The following HM13 variants were observed in gnomAD, a reference collection of about 807,000 sequenced individuals.
The protein encoded by HM13 is signal peptide peptidase.
Under a neutral mutation model 50.0 loss-of-function variants are expected in HM13, and 18 were observed. That is an observed-to-expected ratio of 0.36 (90% CI 0.25 to 0.53). The LOEUF (loss-of-function observed/expected upper bound fraction) is 0.53. Ranked by LOEUF, HM13 falls within the 20% of genes least tolerant of loss-of-function variation. HM13 has a pLI of 0.90. For missense variants in HM13, 393 were observed against 552.4 expected, an observed-to-expected ratio of 0.71 and a Z score of 2.89; for synonymous variants, 197 against 232.6, an observed-to-expected ratio of 0.85 and a Z score of 1.39.
chr20:31,553,615 C>T (rs571736052), intron 7 of HM13, among the ~76,000 whole-genome samples: 1 of 152,132 alleles, frequency 6.6e-6, no homozygotes, highest in Admixed American at 6.6e-5. Flanking sequence ...CACAAGTCAG[C>T]CTCTAAGGCC....
intron 3 of HM13, 72 bp downstream of exon 3, chr20:31,538,333 A>G (rs1568787536): frequency 3.1e-6 from 5 of 1,613,452 alleles, no homozygotes; most frequent in Non-Finnish European, 4.2e-6. Flanking sequence ...GGATGAGAAC[A>G]TGACTTTTGG....
chr20:31,553,951 C>T (rs907463662), intron 7 of HM13, among the ~76,000 whole-genome samples: 1 of 152,078 alleles, frequency 6.6e-6, no homozygotes, highest in African/African-American at 2.4e-5. Flanking sequence ...CTTTTATATA[C>T]TGGGCTTTAG....
At position 31,558,549 on chromosome 20, in the gene HM13, TCTCC is replaced by T. The variant is rs1303559573; in HGVS notation, c.809-1061_809-1058del. ...TCCAGGACCTTTGCACATGCTGTTC[TCTCC>T]TCCTGGCGTGTGGCATTTCCAAGAA... On this transcript the variant is annotated intron_variant, in intron 8 of 12. Coordinates refer to ENST00000398174, the MANE Select transcript of HM13 (RefSeq NM_178581.3). Among the ~76,000 whole-genome samples the T allele has an allele frequency of 8.0e-4, 121 of 151,810 alleles. 1 individual carries two copies. The highest frequency in any genetic ancestry group is 2.9e-3 in the African/African-American group (119 of 41,218).
intron 2 of HM13, among the ~76,000 whole-genome samples, chr20:31,529,603 A>T (rs1600626800): frequency 6.6e-6 from 1 of 152,086 alleles, no homozygotes; most frequent in Admixed American, 6.6e-5. Context: ...AAATTCCTCA[A>T]GGATGTCTTT....
chr20:31,544,728 C>G (rs1372059996), intron 3 of HM13, among the ~76,000 whole-genome samples: 1 of 152,180 alleles, frequency 6.6e-6, no homozygotes, highest in Non-Finnish European at 1.5e-5. Context: ...GTGCAAAAAC[C>G]TAGGTTTGAG....
At position 31,527,541 on chromosome 20, in the gene HM13, A is replaced by T. The variant is rs1312672834; in HGVS notation, c.241A>T (p.Ile81Phe). Residue 81 changes from isoleucine to phenylalanine, a missense_variant, in exon 2 of 13, where the codon ATC (isoleucine) becomes TTC (phenylalanine). Ile to Phe is a conservative substitution (Grantham distance 21, BLOSUM62 0). Around this residue, in one of 3 missense-constraint regions of HM13, gnomAD observed 214 missense variants for 276.1 expected, o/e 0.77. Coordinates refer to ENST00000398174, the MANE Select transcript of HM13 (RefSeq NM_178581.3). The part of the protein sequence containing the change: ...TSRDAARFPI[I>F]ASCTLLGLYL... ...CCGGGATGCCGCCCGCTTCCCCATC[A>T]TCGCCAGCTGCACACTCTTGGGGCT... is the stretch of plus-strand genomic sequence containing the variant. 6.2e-7 allele frequency: 1 copy of T among 1,614,174 alleles called. No homozygotes were observed. Among genetic ancestry groups the T allele is most frequent in the Non-Finnish European group, 8.5e-7 (1 of 1,180,008 alleles).
chr20:31,520,451 G>T (rs532234317), intron 1 of HM13, among the ~76,000 whole-genome samples: 1 of 151,934 alleles, frequency 6.6e-6, no homozygotes, highest in African/African-American at 2.4e-5. Context: ...TTACAGGCGC[G>T]TGCCACTACG....
Position 31,532,338 on chromosome 20 carries a change from T to A in HM13, c.282+4756T>A, listed in dbSNP as rs201298900. 1.3e-3 allele frequency among the ~76,000 whole-genome samples: 194 copies of A among 152,242 alleles called. 6 individuals are homozygous for A. The East Asian group carries it at 0.034, about 27-fold the overall frequency. On this transcript the variant is annotated intron_variant, in intron 2 of 12. Coordinates refer to ENST00000398174, the MANE Select transcript of HM13 (RefSeq NM_178581.3). The stretch of plus-strand genomic sequence containing the variant: ...TACTTGGGAGGCTGAGGCAGGAGAA[T>A]CGCTTGAACCAGGGAGTCGGAGGTT...
intron 3 of HM13, chr20:31,539,334 C>A (rs904421266): frequency 1.0e-6 from 1 of 985,360 alleles, no homozygotes; most frequent in Admixed American, 6.1e-5. Flanking sequence ...CTGAGAAACA[C>A]TGATAGACCA....
chr20:31,531,747 G>T (rs1982832057), intron 2 of HM13, among the ~76,000 whole-genome samples: 1 of 152,022 alleles, frequency 6.6e-6, no homozygotes, highest in African/African-American at 2.4e-5. Flanking sequence ...TGGTTACAGG[G>T]TATCCCCACA....
intron 3 of HM13, among the ~76,000 whole-genome samples, chr20:31,543,317 G>T (rs1035215292): frequency 3.3e-5 from 5 of 152,098 alleles, no homozygotes; most frequent in African/African-American, 9.7e-5. Context: ...ACGGAGTCTC[G>T]CTGTGTCGCC....
intron 1 of HM13, among the ~76,000 whole-genome samples, chr20:31,524,983 G>A (rs1172753351): frequency 1.3e-5 from 2 of 152,088 alleles, no homozygotes; most frequent in African/African-American, 4.8e-5. Context: ...AAAGTGCTGG[G>A]ATTACAAGCG....
chr20:31,532,480 A>T (rs1042302504), intron 2 of HM13, among the ~76,000 whole-genome samples: 1 of 151,724 alleles, frequency 6.6e-6, no homozygotes, highest in Non-Finnish European at 1.5e-5. Context: ...TTCATAGCAT[A>T]CCATCCTTGG....
chr20:31,517,317 G>C (rs1213453934), intron 1 of HM13, among the ~76,000 whole-genome samples: 4 of 152,162 alleles, frequency 2.6e-5, no homozygotes, highest in Non-Finnish European at 5.9e-5. Flanking sequence ...GTAGCCTTGG[G>C]AGGAGCAGTC....
At chr20:31,557,622 C>T (rs1984385452) in intron 8 of HM13, among the ~76,000 whole-genome samples, 1 of 152,060 alleles carries the variant, frequency 6.6e-6, no homozygotes, top group Non-Finnish European at 1.5e-5. Context: ...CAACTCCCTA[C>T]TCCTACAGAG....
intron 4 of HM13, 195 bp from the exon 5 acceptor site, chr20:31,548,834 T>G (rs567892876): frequency 3.3e-6 from 2 of 611,058 alleles, no homozygotes; most frequent in Non-Finnish European, 2.9e-6. Context: ...CTGTAGGAAA[T>G]TGGAGGGGTT....
intron 1 of HM13, among the ~76,000 whole-genome samples, chr20:31,524,496 C>T (rs1465032198): frequency 2.0e-5 from 3 of 152,104 alleles, no homozygotes; most frequent in Non-Finnish European, 4.4e-5. Context: ...TTGCTTTCTA[C>T]AGGAAGACAG....
chr20:31,524,346 A>G (rs1447018638), intron 1 of HM13, among the ~76,000 whole-genome samples: 1 of 152,216 alleles, frequency 6.6e-6, no homozygotes, highest in Non-Finnish European at 1.5e-5. Flanking sequence ...CAAGCCGTTA[A>G]CAGAGCAAGG....
intron 3 of HM13, among the ~76,000 whole-genome samples, chr20:31,543,826 C>T (rs535569896): frequency 4.6e-5 from 7 of 151,816 alleles, no homozygotes; most frequent in Admixed American, 2.6e-4. Flanking sequence ...CCCAGCTACT[C>T]GGGAGGCTGA....
Sources: allele counts gnomAD v4.1 joint callset (sites outside exome capture counted in the v4.1 genomes callset), GRCh38; gene constraint gnomAD v4.1.1; regional missense constraint gnomAD v4.1.1; transcripts MANE v1.5; gene names NCBI Gene and HGNC (gene_info 2026-07-23, HGNC 2026-07-21).